Variants in PHLPP1 observed in about 807,000 individuals in gnomAD.
PHLPP1 encodes the protein PH domain and leucine rich repeat protein phosphatase 1.
A neutral mutation model predicts 117.2 loss-of-function variants in PHLPP1; 42 were observed. That is an observed-to-expected ratio of 0.36 (90% confidence interval 0.28 to 0.46). The LOEUF is 0.46. Among genes scored for constraint, PHLPP1 ranks in the 20% least tolerant of loss-of-function variants. The pLI, the probability that PHLPP1 is intolerant of heterozygous loss-of-function variation, is 1.00. For missense variants in PHLPP1, 2,084 were observed against 2,241.9 expected (o/e 0.93, Z 1.42); for synonymous variants, 1,042 against 970.7 (o/e 1.07, Z -1.37).
chr18:62,850,755 G>A (rs889159239), intron 3 of PHLPP1, among the ~76,000 whole-genome samples: 2 of 152,114 alleles, frequency 1.3e-5, no homozygotes, highest in Non-Finnish European at 2.9e-5. Flanking sequence ...TCATGATTTT[G>A]GAAAGCTGTT....
intron 12 of PHLPP1, among the ~76,000 whole-genome samples, chr18:62,957,818 C>G (rs766611637): frequency 1.4e-4 from 22 of 151,896 alleles, no homozygotes; most frequent in African/African-American, 5.3e-4. Context: ...CAGAATCAAG[C>G]GATTCTCCTG....
intron 4 of PHLPP1, among the ~76,000 whole-genome samples, chr18:62,871,786 A>G (rs1467331466): frequency 6.6e-6 from 1 of 151,642 alleles, no homozygotes; most frequent in Non-Finnish European, 1.5e-5. Flanking sequence ...CTGGGATTAC[A>G]GGCACGCGCC....
chr18:62,754,188 G>C (rs1911942506), intron 1 of PHLPP1, among the ~76,000 whole-genome samples: 1 of 152,328 alleles, frequency 6.6e-6, no homozygotes, highest in East Asian at 1.9e-4. Context: ...CAGCTGTTCT[G>C]TTCTGCTGTG....
intron 11 of PHLPP1, among the ~76,000 whole-genome samples, chr18:62,943,515 G>A (rs1233961286): frequency 6.6e-6 from 1 of 152,060 alleles, no homozygotes; most frequent in Non-Finnish European, 1.5e-5. Flanking sequence ...TAGTTTCAAG[G>A]CACACAAGGG....
chr18:62,825,007 AC>A (rs1914570963), intron 1 of PHLPP1, among the ~76,000 whole-genome samples: 1 of 151,458 alleles, frequency 6.6e-6, no homozygotes, highest in African/African-American at 2.4e-5. Flanking sequence ...GCTCAGTGCA[AC>A]CTCTGCCTCC....
intron 9 of PHLPP1, among the ~76,000 whole-genome samples, chr18:62,916,245 ATAT>A (rs994919361): frequency 1.3e-4 from 20 of 152,024 alleles, no homozygotes; most frequent in Non-Finnish European, 2.2e-4. Context: ...GGAATATAAA[ATAT>A]TAATAATAGT....
chr18:62,951,876 G>A (rs1337050389), intron 12 of PHLPP1, among the ~76,000 whole-genome samples: 1 of 145,630 alleles, frequency 6.9e-6, no homozygotes, highest in Admixed American at 7.0e-5. Context: ...GTGCAATGGC[G>A]CGATCTTGGC....
At chr18:62,794,305 C>A (rs893359108) in intron 1 of PHLPP1, among the ~76,000 whole-genome samples, 6 of 150,700 alleles carry the variant, frequency 4.0e-5, no homozygotes, top group Non-Finnish European at 4.4e-5. Flanking sequence ...TATTAGTCTG[C>A]GATTTTGGAT....
intron 1 of PHLPP1, among the ~76,000 whole-genome samples, chr18:62,741,398 T>C (rs1443234922): frequency 6.6e-6 from 1 of 152,128 alleles, no homozygotes; most frequent in East Asian, 1.9e-4. Flanking sequence ...AATTCAGATG[T>C]GGAGTGCTTG....
intron 3 of PHLPP1, among the ~76,000 whole-genome samples, chr18:62,840,636 A>C (rs746511993): frequency 3.3e-5 from 5 of 152,230 alleles, no homozygotes; most frequent in Admixed American, 6.5e-5. Flanking sequence ...AAAATGCCTA[A>C]CTAGGATCAA....
intron 1 of PHLPP1, among the ~76,000 whole-genome samples, chr18:62,809,596 G>A (rs991599023): frequency 3.9e-5 from 6 of 152,084 alleles, no homozygotes; most frequent in Admixed American, 2.6e-4. Context: ...CAGCAACTCC[G>A]GAGCCTGAGG....
At position 62,716,090 on chromosome 18, in the gene PHLPP1, C is replaced by T. The variant is rs542055933; in HGVS notation, c.407C>T (p.Ala136Val). 4.2e-3 allele frequency: 6,212 copies of T among 1,494,826 alleles called. 19 individuals are homozygous for T. The highest frequency in any genetic ancestry group is 5.0e-3 in the Non-Finnish European group (5,598 of 1,130,880). 92.6% of individuals were successfully genotyped at this position (1,494,826 alleles called of 1,614,324 possible). ...AGGAATCTGTCCGCGGCCGCCGCGGCCGCCTCCTCGTCGTCGTCGTCCTCG... is the reference window on the plus strand; with the variant it reads ...AGGAATCTGTCCGCGGCCGCCGCGGTCGCCTCCTCGTCGTCGTCGTCCTCG... ...LKRNLSAAAA[A>V]ASSSSSSSAA... The change falls in exon 1 of 17, where the codon GCC (alanine) becomes GTC (valine). Residue 136 changes from alanine to valine, a missense_variant. Physicochemically the swap from Ala to Val is moderately conservative, Grantham distance 64. Transcript: ENST00000262719. The surrounding 1 kb of genome is among the most constrained non-coding windows in gnomAD (Gnocchi z 5.7).
intron 1 of PHLPP1, among the ~76,000 whole-genome samples, chr18:62,757,756 C>T (rs541189623): frequency 6.6e-6 from 1 of 152,198 alleles, no homozygotes; most frequent in Non-Finnish European, 1.5e-5. Flanking sequence ...CTTGGGCCAC[C>T]CTTGTGCTGT....
intron 12 of PHLPP1, among the ~76,000 whole-genome samples, chr18:62,955,074 A>G (rs933783944): frequency 1.3e-5 from 2 of 152,250 alleles, no homozygotes; most frequent in Non-Finnish European, 2.9e-5. Context: ...AACAGGTTGT[A>G]GTAGAGTTGG....
intron 3 of PHLPP1, among the ~76,000 whole-genome samples, chr18:62,852,533 C>T (rs1915383663): frequency 6.6e-6 from 1 of 151,948 alleles, no homozygotes; most frequent in African/African-American, 2.4e-5. Context: ...TTAGTAGAGA[C>T]GGGGTTTCAC....
intron 1 of PHLPP1, among the ~76,000 whole-genome samples, chr18:62,722,547 C>T (rs185204487): frequency 6.6e-6 from 1 of 152,192 alleles, no homozygotes; most frequent in African/African-American, 2.4e-5. Flanking sequence ...TCCCTTTAAT[C>T]ACATGCATCT....
In PHLPP1 at chr18:62,860,432, T is replaced by A; in HGVS notation, c.1900-3T>A. 1 of 1,613,614 alleles carries A rather than the reference T, an allele frequency of 6.2e-7. No individual in the cohort carries two copies. Among genetic ancestry groups the A allele is most frequent in the Non-Finnish European group, 8.5e-7 (1 of 1,179,620 alleles). ...ATTAAAATTAAGTTTTATCCCCCTTTAGGTTGCATCCCAGCGCATTAGCTC... is the reference window on the plus strand; with the variant it reads ...ATTAAAATTAAGTTTTATCCCCCTTAAGGTTGCATCCCAGCGCATTAGCTC... On this transcript the variant is annotated splice_polypyrimidine_tract_variant and splice_region_variant and intron_variant, in intron 3 of 16. Transcript: ENST00000262719.
At chr18:62,946,138 G>T (rs1444582626) in intron 12 of PHLPP1, among the ~76,000 whole-genome samples, 1 of 152,186 alleles carries the variant, frequency 6.6e-6, no homozygotes, top group Non-Finnish European at 1.5e-5. Flanking sequence ...TCTCCTAACA[G>T]GGAACAAGAG....
intron 10 of PHLPP1, among the ~76,000 whole-genome samples, chr18:62,940,627 G>T (rs1298392882): frequency 6.6e-6 from 1 of 152,062 alleles, no homozygotes; most frequent in Non-Finnish European, 1.5e-5. Context: ...GCCTCCCAAA[G>T]TGCTGGGATT....
Sources: allele counts gnomAD v4.1 joint callset (sites outside exome capture counted in the v4.1 genomes callset), GRCh38; gene constraint gnomAD v4.1.1; non-coding constraint Gnocchi (gnomAD v3.1); transcripts MANE v1.5; gene names NCBI Gene and HGNC (gene_info 2026-07-23, HGNC 2026-07-21).